CWH43: variants seen among roughly 807,000 people sequenced by gnomAD.
CWH43 encodes PGAP2-interacting protein.
Under a neutral mutation model 85.7 loss-of-function variants are expected in CWH43, and 91 were observed. The ratio of observed to expected loss-of-function variants is 1.06; its 90% confidence interval spans 0.90 to 1.26. The LOEUF is 1.26. Ranked by LOEUF, CWH43 falls within the 50% of genes most tolerant of loss-of-function variation. The probability of loss-of-function intolerance (pLI) is 0.00; values close to 1 mark genes in which losing one functional copy is unlikely to be tolerated. For missense variants in CWH43, 869 were observed against 839.2 expected, an observed-to-expected ratio of 1.04 and a Z score of -0.44; for synonymous variants, 323 against 293.6, an observed-to-expected ratio of 1.10 and a Z score of -1.02.
intron 8 of CWH43, among the ~76,000 whole-genome samples, chr4:49,008,781 T>A (rs750472568): frequency 1.3e-5 from 2 of 152,098 alleles, no homozygotes; most frequent in Non-Finnish European, 2.9e-5. Context: ...GATCAGATGG[T>A]TGTAGATGTG....
chr4:49,018,052 A>T (rs1030685812), intron 9 of CWH43, among the ~76,000 whole-genome samples: 1 of 151,366 alleles, frequency 6.6e-6, no homozygotes, highest in Admixed American at 6.6e-5. Context: ...GTTGGCCAGG[A>T]TGGTCTTGAT....
intron 6 of CWH43, among the ~76,000 whole-genome samples, chr4:49,000,180 G>A (rs1560488176): frequency 6.6e-6 from 1 of 152,154 alleles, no homozygotes; most frequent in Non-Finnish European, 1.5e-5. Flanking sequence ...TGCTGTGTGT[G>A]GGTTTGAGAG....
At chr4:49,049,385 A>ATCTTTTACCT (rs1784724957) in intron 14 of CWH43, among the ~76,000 whole-genome samples, 1 of 152,052 alleles carries the variant, frequency 6.6e-6, no homozygotes, top group African/African-American at 2.4e-5. Context: ...AGCCCCCATC[A>ATCTTTTACCT]TCTTTTACCT....
chr4:49,047,627 G>A (rs1359205886), intron 14 of CWH43, among the ~76,000 whole-genome samples: 1 of 152,084 alleles, frequency 6.6e-6, no homozygotes, highest in African/African-American at 2.4e-5. Context: ...CAGTGCAGGA[G>A]TGCTGCATAT....
At chr4:49,018,158 A>G (rs1399457757) in intron 9 of CWH43, among the ~76,000 whole-genome samples, 7 of 152,040 alleles carry the variant, frequency 4.6e-5, no homozygotes, top group Non-Finnish European at 7.4e-5. Flanking sequence ...AAACAACCAG[A>G]TCTCATGAGA....
At chr4:49,049,954 C>G (rs1398306678) in intron 14 of CWH43, among the ~76,000 whole-genome samples, 2 of 152,168 alleles carry the variant, frequency 1.3e-5, no homozygotes, top group Non-Finnish European at 2.9e-5. Flanking sequence ...ATGAAAGTTC[C>G]ATGAGGGCAA....
chr4:49,011,413 T>C (rs1201990220), intron 8 of CWH43, among the ~76,000 whole-genome samples: 1 of 152,166 alleles, frequency 6.6e-6, no homozygotes, highest in Non-Finnish European at 1.5e-5. Flanking sequence ...CAGTAATGGG[T>C]CTTGACTATC....
chr4:49,032,271 A>C (rs1440893752), intron 11 of CWH43, among the ~76,000 whole-genome samples: 1 of 152,226 alleles, frequency 6.6e-6, no homozygotes, highest in Admixed American at 6.5e-5. Flanking sequence ...GTGTTGCCAG[A>C]GTAACTGCAA....
At chr4:49,031,253 A>G (rs1310733815) in intron 11 of CWH43, 1 of 288,646 alleles carries the variant, frequency 3.5e-6, no homozygotes, top group Non-Finnish European at 6.4e-6. Flanking sequence ...CTTCCAGTGT[A>G]AGACAGAAAA....
intron 14 of CWH43, among the ~76,000 whole-genome samples, chr4:49,049,628 C>T (rs1307588821): frequency 6.6e-6 from 1 of 152,158 alleles, no homozygotes; most frequent in East Asian, 1.9e-4. Flanking sequence ...ATGCACTTCA[C>T]TCCGGTCATG....
rs531139329 is a variant in CWH43 at position 49,006,395 on chromosome 4, A to G, written c.1061-806A>G. Among the ~76,000 whole-genome samples, 3 of 152,320 alleles carry G rather than the reference A, an allele frequency of 2.0e-5. No individual in the cohort carries two copies. In the South Asian group the frequency reaches 6.2e-4, roughly 32 times the overall value. ...CCACAAAAGCCAAGAAATGTTGGTA[A>G]TATTCAGAGTGGCTTTTAATACAAC... is the stretch of plus-strand genomic sequence containing the variant. On this transcript the variant is annotated intron_variant, in intron 7 of 15. Coordinates refer to ENST00000226432, the MANE Select transcript of CWH43 (RefSeq NM_025087.3).
At chr4:49,059,717 T>C (rs978823520) in intron 15 of CWH43, among the ~76,000 whole-genome samples, 1 of 152,194 alleles carries the variant, frequency 6.6e-6, no homozygotes, top group Admixed American at 6.5e-5. Context: ...AGCAAGTGGA[T>C]AGGCTTTGTG....
rs1783580998 is a variant in CWH43, at chr4:49,017,278, T to C, written c.1216T>C (p.Leu406=). The change falls in exon 9 of 16, where the codon TTG becomes CTG. Residue 406 remains leucine (L), a synonymous_variant. Coordinates refer to ENST00000226432, the MANE Select transcript of CWH43 (RefSeq NM_025087.3). ...GTGGCTGCTTGTTGGTGTGGGATTGTTGGGATTAGGACTACGGCATAAAGC... is the reference window on the plus strand; with the variant it reads ...GTGGCTGCTTGTTGGTGTGGGATTGCTGGGATTAGGACTACGGCATAAAGC... ...FLWLLVGVGL[L]GLGLRHKAYE... The C allele has an allele frequency of 6.2e-7, 1 of 1,612,268 alleles. No individual in the cohort carries two copies.
intron 5 of CWH43, among the ~76,000 whole-genome samples, chr4:48,997,390 A>T (rs1240835801): frequency 3.3e-5 from 5 of 152,006 alleles, no homozygotes; most frequent in Admixed American, 6.6e-5. Flanking sequence ...GGTGTTTATT[A>T]TATGTTTCCC....
intron 8 of CWH43, among the ~76,000 whole-genome samples, chr4:49,012,690 A>G (rs1783403010): frequency 6.6e-6 from 1 of 152,182 alleles, no homozygotes. Context: ...TGCTGATGCT[A>G]TTCCTTTCTG....
intron 5 of CWH43, among the ~76,000 whole-genome samples, chr4:48,997,775 T>C (rs1455527801): frequency 6.6e-6 from 1 of 152,220 alleles, no homozygotes; most frequent in African/African-American, 2.4e-5. Flanking sequence ...TACAGGCACA[T>C]GAGAATTAAA....
intron 15 of CWH43, among the ~76,000 whole-genome samples, chr4:49,052,054 A>C (rs760093140): frequency 8.5e-5 from 13 of 152,076 alleles, no homozygotes; most frequent in South Asian, 2.1e-4. Flanking sequence ...GCTAATAAAC[A>C]TTTCTCATTT....
intron 15 of CWH43, among the ~76,000 whole-genome samples, chr4:49,055,045 T>G (rs1784910216): frequency 6.6e-6 from 1 of 152,150 alleles, no homozygotes; most frequent in African/African-American, 2.4e-5. Flanking sequence ...AGTACTGTGT[T>G]GAATAGAAGT....
intron 9 of CWH43, among the ~76,000 whole-genome samples, chr4:49,020,416 C>CACACACATATATAT (rs140534523): frequency 1.2e-4 from 15 of 128,394 alleles, no homozygotes; most frequent in African/African-American, 3.2e-4. Flanking sequence ...CACACACACA[C>CACACACATATATAT]ATATATATAT....
Sources: allele counts gnomAD v4.1 joint callset (sites outside exome capture counted in the v4.1 genomes callset), GRCh38; gene constraint gnomAD v4.1.1; transcripts MANE v1.5; gene names NCBI Gene and HGNC (gene_info 2026-07-23, HGNC 2026-07-21).